NUP43: variants seen among roughly 807,000 people sequenced by gnomAD.
The protein encoded by NUP43 is nucleoporin 43, also known as nucleoporin Nup43.
NUP43 carries 32 observed loss-of-function variants against 47.3 expected under a neutral mutation model. That is an observed-to-expected ratio of 0.68 (90% CI 0.51 to 0.91). The LOEUF is 0.91. Among genes scored for constraint, NUP43 ranks in the 40% least tolerant of loss-of-function variants. NUP43 has a pLI of 0.00. For synonymous variants in NUP43, 147 were observed against 158.4 expected, an observed-to-expected ratio of 0.93 and a Z score of 0.54; for missense variants, 444 against 453.9, an observed-to-expected ratio of 0.98 and a Z score of 0.20.
intron 6 of NUP43, among the ~76,000 whole-genome samples, chr6:149,735,629 G>C (rs1393321107): frequency 4.5e-5 from 6 of 134,290 alleles, no homozygotes; most frequent in African/African-American, 1.7e-4. Flanking sequence ...AACACACACA[G>C]AGATAAATAT....
chr6:149,743,614 A>ACCC, intron 3 of NUP43, 24 bp downstream of exon 3: 1 of 1,454,244 alleles, frequency 6.9e-7, no homozygotes. Flanking sequence ...AAAAAAAATC[A>ACCC]CTTCTCAAAC....
At chr6:149,735,598 C>CAAA (rs57726234) in intron 6 of NUP43, among the ~76,000 whole-genome samples, 4,257 of 49,320 alleles carry the variant, frequency 0.086, 260 homozygotes, top group African/African-American at 0.17. Context: ...ACCCTGTCTC[C>CAAA]AAAAAAAAAA....
chr6:149,745,838 G>T, intron 2 of NUP43, 102 bp downstream of exon 2: 1 of 1,035,370 alleles, frequency 9.7e-7, no homozygotes, highest in Non-Finnish European at 1.4e-6. Context: ...TCAGTTTTCT[G>T]TAAACGAGGG....
At chr6:149,729,807 T>A (rs973292174) in intron 7 of NUP43, among the ~76,000 whole-genome samples, 11 of 152,136 alleles carry the variant, frequency 7.2e-5, no homozygotes, top group Non-Finnish European at 1.3e-4. Flanking sequence ...TTACACGTCC[T>A]AACACCTAGA....
rs1272798414 is a variant in NUP43, at chr6:149,746,516, G to A, written c.-21C>T. 2 of 1,614,030 alleles carry A rather than the reference G, an allele frequency of 1.2e-6. No individual in the cohort carries two copies. The highest frequency in any genetic ancestry group is 4.5e-5 in the East Asian group (2 of 44,890). Reference sequence around the variant, plus strand: ...TCCATGCCGAAAGCGGCCGCAGCAGGTACTGCAAAAAGCAAGCACAGTACG... The same window carrying A: ...TCCATGCCGAAAGCGGCCGCAGCAGATACTGCAAAAAGCAAGCACAGTACG... On this transcript the variant is annotated 5_prime_UTR_variant, in exon 1 of 8. Coordinates refer to ENST00000340413, the MANE Select transcript of NUP43 (RefSeq NM_198887.3).
intron 6 of NUP43, among the ~76,000 whole-genome samples, chr6:149,732,003 G>A (rs1049678615): frequency 6.6e-6 from 1 of 151,988 alleles, no homozygotes; most frequent in Non-Finnish European, 1.5e-5. Flanking sequence ...GCAACATGGT[G>A]AAACACCATC....
chr6:149,726,907 A>G lies in NUP43; in HGVS notation c.*62T>C, dbSNP rs1784812219. On this transcript the variant is annotated 3_prime_UTR_variant, in exon 8 of 8. Coordinates refer to ENST00000340413, the MANE Select transcript of NUP43 (RefSeq NM_198887.3). Reference sequence around the variant, plus strand: ...ATTTTCTGATACTAAAATTTTGCACAGAAGTTGGATTTCAAAAGGCTAATT... The same window carrying G: ...ATTTTCTGATACTAAAATTTTGCACGGAAGTTGGATTTCAAAAGGCTAATT... 6.8e-6 allele frequency: 9 copies of G among 1,325,222 alleles called. No homozygotes were observed. In the East Asian group the frequency reaches 2.2e-4, roughly 32 times the overall value. The allele number at this position is 1,325,222 out of a possible 1,614,324, so 82.1% of individuals were successfully genotyped here. A position where few individuals can be genotyped will look rare whatever the true frequency, so the allele number is the denominator to read the frequency against.
chr6:149,728,963 ATTAGCAGT>A (rs1297865954), intron 7 of NUP43, among the ~76,000 whole-genome samples: 1 of 151,888 alleles, frequency 6.6e-6, no homozygotes, highest in Non-Finnish European at 1.5e-5. Flanking sequence ...CTTCATGGTA[ATTAGCAGT>A]GTATTTGGCC....
Position 149,731,642 on chromosome 6 carries a change from A to G in NUP43, c.884T>C (p.Val295Ala), listed in dbSNP as rs150329472. Residue 295 changes from valine (V) to alanine (A), a missense_variant, in exon 7 of 8, where the codon GTA becomes GCA. Val to Ala is a moderately conservative substitution (Grantham distance 64). Transcript: ENST00000340413. ...GTGAAAGAGTGACGACTTTTCAGGT[A>G]CATCTGTGGAAGCATCCCAGTGCCA... ...SLWHWDASTD[V>A]PEKSSLFHQG... 56 of 1,613,704 alleles carry G rather than the reference A, an allele frequency of 3.5e-5. No homozygotes were observed. The African/African-American group carries it at 7.1e-4, about 20-fold the overall frequency.
intron 2 of NUP43, among the ~76,000 whole-genome samples, 160 bp downstream of exon 2, chr6:149,745,780 C>T (rs942546664): frequency 6.6e-6 from 1 of 152,208 alleles, no homozygotes; most frequent in Non-Finnish European, 1.5e-5. Flanking sequence ...CCTTTTTCTG[C>T]CACTAAATGG....
At chr6:149,745,358 C>A (rs1376262366) in intron 2 of NUP43, among the ~76,000 whole-genome samples, 1 of 151,156 alleles carries the variant, frequency 6.6e-6, no homozygotes, top group African/African-American at 2.4e-5. Flanking sequence ...TCAGATCATG[C>A]CACTGTACTC....
rs1325592772 is a variant in NUP43 at position 149,742,427 on chromosome 6, G to C, written c.465C>G (p.Leu155=). The change falls in exon 4 of 8, where the codon CTC becomes CTG. Residue 155 remains leucine (L), a synonymous_variant. Transcript: ENST00000340413. ...CAGCTTCCTTGTGATCAGCTCTGAA[G>C]AGATTTATTCGACCATCCTCTCCAA... The part of the protein sequence containing the change: ...VTVGEDGRIN[L]FRADHKEAVR... 1.1e-5 allele frequency: 18 copies of C among 1,614,044 alleles called. No homozygotes were observed. Among genetic ancestry groups the C allele is most frequent in the Non-Finnish European group, 1.4e-5 (16 of 1,180,032 alleles).
In NUP43 at chr6:149,738,727, T is replaced by C. The variant is rs377725621; in HGVS notation, c.554A>G (p.Glu185Gly). 6 of 1,595,790 alleles carry C rather than the reference T, an allele frequency of 3.8e-6. No homozygotes were observed. The African/African-American group carries it at 8.1e-5, about 21-fold the overall frequency. Residue 185 changes from glutamate (E) to glycine (G), a missense_variant, in exon 5 of 8, where the codon GAG becomes GGG. Physicochemically the swap from Glu to Gly is moderately conservative, Grantham distance 98. Transcript: ENST00000340413. ...TCCAATTGAATTTACAGTAAGAATC[T>C]CAGGAGTTCGAAGAAAGGTTACAGC... Reference protein sequence around the residue: ...LHAVTFLRTPEILTVNSIGQL... With the variant: ...LHAVTFLRTPGILTVNSIGQL...
intron 6 of NUP43, among the ~76,000 whole-genome samples, chr6:149,732,670 C>T (rs1416365244): frequency 6.6e-6 from 1 of 151,754 alleles, no homozygotes; most frequent in East Asian, 1.9e-4. Flanking sequence ...CATGGTGAAA[C>T]CCCATCTCTA....
chr6:149,729,986 C>T (rs1039117175), intron 7 of NUP43, among the ~76,000 whole-genome samples: 1 of 151,724 alleles, frequency 6.6e-6, no homozygotes, highest in Non-Finnish European at 1.5e-5. Flanking sequence ...TAACCTACAA[C>T]TGACTGTAAT....
upstream of NUP43, among the ~76,000 whole-genome samples, chr6:149,747,537 C>A (rs1234442278): frequency 6.6e-6 from 1 of 151,872 alleles, no homozygotes; most frequent in Non-Finnish European, 1.5e-5. Flanking sequence ...ATCCAACTGC[C>A]TTGTCCTCCC....
chr6:149,746,038 T>C lies in NUP43; in HGVS notation c.145A>G (p.Ile49Val), dbSNP rs768274188. ...GAGTCCAAGTTTCCAAAATCTCCAA[T>C]AGACCACAGTGAAATATAATTTTCC... Reference protein sequence around the residue: ...NEENYISLWSIGDFGNLDSDG... With the variant: ...NEENYISLWSVGDFGNLDSDG... Residue 49 changes from isoleucine (I) to valine (V), a missense_variant, in exon 2 of 8, where the codon ATT becomes GTT. Coordinates refer to ENST00000340413, the MANE Select transcript of NUP43 (RefSeq NM_198887.3). The C allele has an allele frequency of 2.5e-6, 4 of 1,613,918 alleles. No individual in the cohort carries two copies. In the East Asian group the frequency reaches 6.7e-5, roughly 27 times the overall value.
chr6:149,745,838 G>GAGCATCA, intron 2 of NUP43, 102 bp downstream of exon 2: 1 of 1,035,376 alleles, frequency 9.7e-7, no homozygotes, highest in Non-Finnish European at 1.4e-6. Flanking sequence ...TCAGTTTTCT[G>GAGCATCA]TAAACGAGGG....
intron 2 of NUP43, 80 bp downstream of exon 2, chr6:149,745,859 AC>A: frequency 7.7e-7 from 1 of 1,296,706 alleles, no homozygotes; most frequent in Non-Finnish European, 1.0e-6. Flanking sequence ...GTGACACCAG[AC>A]AACTTTTATG....
Sources: gnomAD v4.1 joint callset for allele counts (sites outside exome capture counted in the v4.1 genomes callset) on GRCh38, gnomAD v4.1.1 for gene constraint, MANE v1.5 for transcripts, NCBI Gene and HGNC (gene_info 2026-07-23, HGNC 2026-07-21) for gene names.